The following MTERF4 variants were observed in gnomAD, a reference collection of about 807,000 sequenced individuals.
The protein encoded by MTERF4 is mitochondrial transcription termination factor 4.
Under a neutral mutation model 22.5 loss-of-function variants are expected in MTERF4, and 17 were observed. The observed-to-expected ratio is 0.75, with a 90% CI of 0.52 to 1.13. MTERF4 has a LOEUF of 1.13. Among genes scored for constraint, MTERF4 ranks in the 50% most tolerant of loss-of-function variants. The pLI is 0.00. For synonymous variants in MTERF4, 165 were observed against 175.3 expected (o/e 0.94, Z 0.47); for missense variants, 420 against 466.8 (o/e 0.90, Z 0.92).
chr2:241,084,134 A>ATTT (rs368364855), downstream of MTERF4, among the ~76,000 whole-genome samples: 160 of 123,278 alleles, frequency 1.3e-3, 2 homozygotes, highest in Middle Eastern at 0.018. Context: ...AGCGTCTAGG[A>ATTT]TTTTTTTTTT....
At chr2:241,082,248 T>C (rs1416301173), downstream of MTERF4, 1 of 1,571,504 alleles carries the variant, frequency 6.4e-7, no homozygotes, top group Admixed American at 1.7e-5. Context: ...CAGGAGCACC[T>C]GGTGAGCCAC....
Position 241,073,150 on chromosome 2 carries a change from T to TC in MTERF4, n.3011dup. 1.4e-6 allele frequency: 1 copy of TC among 726,500 alleles called. No homozygotes were observed. The highest frequency in any genetic ancestry group is 2.7e-5 in the East Asian group (1 of 36,604). 45.0% of individuals were successfully genotyped at this position (726,500 alleles called of 1,614,324 possible). On this transcript the variant is annotated non_coding_transcript_exon_variant, in exon 5 of 5. Coordinates refer to the MTERF4 transcript ENST00000464344. The surrounding 1 kb of genome is among the most constrained non-coding windows in gnomAD (Gnocchi z 6.6). ...TGCTGGGGCCACGCAGGGAGCCTGGTCCCCACCAGGGACATCCGTGCTCCC... is the reference window on the plus strand; with the variant it reads ...TGCTGGGGCCACGCAGGGAGCCTGGTCCCCCACCAGGGACATCCGTGCTCCC...
the MTERF4 span, among the ~76,000 whole-genome samples, chr2:241,047,298 A>T: frequency 6.6e-6 from 1 of 152,180 alleles, no homozygotes; most frequent in Non-Finnish European, 1.5e-5. Context: ...GGGTCAATTC[A>T]TCCAGAAGAC....
At chr2:241,048,652 T>C in the MTERF4 span, 2 of 1,602,342 alleles carry the variant, frequency 1.2e-6, no homozygotes, top group Non-Finnish European at 1.7e-6. Context: ...CCTCCCTCTC[T>C]TCGTGGCAGG....
the MTERF4 span, among the ~76,000 whole-genome samples, chr2:241,066,427 G>C: frequency 6.6e-6 from 1 of 152,220 alleles, no homozygotes; most frequent in Non-Finnish European, 1.5e-5. Flanking sequence ...CACGGAGCCC[G>C]GCCGCATCAG....
At chr2:241,065,590 G>T in the MTERF4 span, 1 of 1,610,996 alleles carries the variant, frequency 6.2e-7, no homozygotes, top group Non-Finnish European at 8.5e-7. Flanking sequence ...CTGCTGGCCC[G>T]CACGCGTGAG....
the MTERF4 span, among the ~76,000 whole-genome samples, chr2:241,066,173 G>A: frequency 6.6e-6 from 1 of 152,174 alleles, no homozygotes; most frequent in Non-Finnish European, 1.5e-5. Flanking sequence ...CTGAAGAGGG[G>A]GTCCTAGGAG....
At chr2:241,046,289 C>A in the MTERF4 span, among the ~76,000 whole-genome samples, 2 of 152,198 alleles carry the variant, frequency 1.3e-5, no homozygotes, top group African/African-American at 4.8e-5. Flanking sequence ...TATGCCCCAG[C>A]AATCCCACTC....
the MTERF4 span, among the ~76,000 whole-genome samples, chr2:241,045,552 A>C: frequency 6.6e-6 from 1 of 151,960 alleles, no homozygotes; most frequent in Non-Finnish European, 1.5e-5. Context: ...GAGAAATGAT[A>C]ATCTTTTCAA....
At chr2:241,070,115 G>T, downstream of MTERF4, 1 of 1,612,734 alleles carries the variant, frequency 6.2e-7, no homozygotes, top group Non-Finnish European at 8.5e-7. Flanking sequence ...CTGCCGGGAC[G>T]GCGGTACCAG....
chr2:241,088,546 A>T, downstream of MTERF4: 1 of 685,770 alleles, frequency 1.5e-6, no homozygotes. Context: ...TGTGTTACAG[A>T]CTCCCGGGCA....
downstream of MTERF4, chr2:241,095,461 T>C (rs189940882): frequency 7.1e-4 from 111 of 157,424 alleles, 1 homozygote; most frequent in Middle Eastern, 0.033. Context: ...TGCTGTGCAC[T>C]GAATACCATT....
At chr2:241,094,998 T>G (rs2064305226), downstream of MTERF4, 1 of 148,990 alleles carries the variant, frequency 6.7e-6, no homozygotes, top group African/African-American at 2.5e-5. The surrounding 1 kb of genome is among the most constrained non-coding windows in gnomAD (Gnocchi z 4.3). Flanking sequence ...ATCAAATTCC[T>G]CTTCTCTTTT....
chr2:241,096,550 T>C lies in MTERF4; in HGVS notation c.706-112A>G, dbSNP rs932584935. 1.4e-5 allele frequency: 17 copies of C among 1,194,828 alleles called. No homozygotes were observed. The highest frequency in any genetic ancestry group is 1.7e-5 in the Non-Finnish European group (14 of 806,504). 74.0% of individuals were successfully genotyped at this position (1,194,828 alleles called of 1,614,324 possible). On this transcript the variant is annotated intron_variant, in intron 3 of 3. Coordinates refer to ENST00000391980, the MANE Select transcript of MTERF4 (RefSeq NM_182501.4). This position sits in a 1 kb window ranked among gnomAD's most constrained non-coding sequence, Gnocchi z 5.1. ...AAAGGATTCAAAAAGAATTGCCTAA[T>C]TGACAACAGCGAATACCCAGTCTAG...
At chr2:241,044,608 G>A in the MTERF4 span, among the ~76,000 whole-genome samples, 37 of 152,188 alleles carry the variant, frequency 2.4e-4, no homozygotes, top group Non-Finnish European at 4.6e-4. Context: ...CCAGAAGTGG[G>A]CATCCACACG....
chr2:241,091,897 A>G (rs1412654290), downstream of MTERF4: 1 of 152,316 alleles, frequency 6.6e-6, no homozygotes, highest in Admixed American at 6.5e-5. This position sits in a 1 kb window ranked among gnomAD's most constrained non-coding sequence, Gnocchi z 4.1. Flanking sequence ...GCCCTCACCC[A>G]AGCTGCAGTT....
At chr2:241,065,176 C>A in the MTERF4 span, 2 of 1,034,296 alleles carry the variant, frequency 1.9e-6, no homozygotes, top group Non-Finnish European at 2.8e-6. Flanking sequence ...CAAAGAAGGA[C>A]TCTGCCAGCG....
At chr2:241,069,939 C>T (rs192143839), downstream of MTERF4, 1,115 of 1,612,710 alleles carry the variant, frequency 6.9e-4, 13 homozygotes, top group East Asian at 0.016. The surrounding 1 kb of genome is among the most constrained non-coding windows in gnomAD (Gnocchi z 4.9). Flanking sequence ...CTCCAGCAAA[C>T]CTGACCGCCG....
downstream of MTERF4, among the ~76,000 whole-genome samples, chr2:241,083,268 C>G (rs1017471274): frequency 2.0e-5 from 3 of 152,102 alleles, no homozygotes; most frequent in African/African-American, 7.2e-5. Context: ...TTACCAGGGC[C>G]CCAAGTCAGG....
Sources: gnomAD v4.1 joint callset for allele counts (sites outside exome capture counted in the v4.1 genomes callset) on GRCh38, gnomAD v4.1.1 for gene constraint, Gnocchi (gnomAD v3.1) non-coding constraint, MANE v1.5 for transcripts, NCBI Gene and HGNC (gene_info 2026-07-23, HGNC 2026-07-21) for gene names.